Variants in BRD8 observed in about 807,000 individuals in gnomAD.
BRD8 encodes bromodomain containing 8.
A neutral mutation model predicts 143.1 loss-of-function variants in BRD8; 67 were observed. That is an observed-to-expected ratio of 0.47 (90% CI 0.38 to 0.57). The LOEUF (loss-of-function observed/expected upper bound fraction) is 0.57. BRD8 is among the 20% of genes least tolerant of loss of function. The pLI is 0.00. For missense variants in BRD8, 1,103 were observed against 1,503.0 expected (o/e 0.73, Z 4.40); for synonymous variants, 505 against 517.1 (o/e 0.98, Z 0.32).
intron 14 of BRD8, chr5:138,163,578 G>C: frequency 6.9e-7 from 1 of 1,446,050 alleles, no homozygotes; most frequent in Non-Finnish European, 9.1e-7. Flanking sequence ...AAAAAAAAAA[G>C]CTACTTACTT....
intron 11 of BRD8, among the ~76,000 whole-genome samples, chr5:138,165,562 T>C (rs572680001): frequency 6.6e-6 from 1 of 152,098 alleles, no homozygotes; most frequent in Non-Finnish European, 1.5e-5. Flanking sequence ...TCATCTCTAC[T>C]AAAAATACAA....
At chr5:138,158,188 G>T (rs531180871) in intron 20 of BRD8, among the ~76,000 whole-genome samples, 3 of 152,100 alleles carry the variant, frequency 2.0e-5, no homozygotes, top group Non-Finnish European at 4.4e-5. Flanking sequence ...GGCTGGACAA[G>T]TACCTCATTA....
intron 21 of BRD8, 58 bp from the exon 22 acceptor site, chr5:138,151,066 A>G: frequency 4.5e-6 from 7 of 1,563,136 alleles, no homozygotes; most frequent in South Asian, 2.4e-5. Context: ...CATCATCCAC[A>G]TATCAACAAT....
chr5:138,162,870 A>C (rs189846768), intron 15 of BRD8, among the ~76,000 whole-genome samples: 3 of 151,878 alleles, frequency 2.0e-5, no homozygotes, highest in African/African-American at 7.3e-5. Context: ...GTGTGGTGGC[A>C]CAGGCTGGTA....
rs1028822685 is a variant in BRD8 at position 138,170,775 on chromosome 5, G to A, written c.440+57C>T. On this transcript the variant is annotated intron_variant, in intron 6 of 26. Transcript: ENST00000254900. The stretch of plus-strand genomic sequence containing the variant: ...TTGGAGGAAATAAGCCAGATTACTT[G>A]AGGGGAAAAGAGGGTAAAAAGAAAG... The A allele has an allele frequency of 3.4e-6, 5 of 1,453,036 alleles. No individual in the cohort carries two copies. The East Asian group carries it at 9.1e-5, about 26-fold the overall frequency. The allele number at this position is 1,453,036 out of a possible 1,614,324, so 90.0% of individuals were successfully genotyped here.
At chr5:138,163,931 C>T (rs1316561012) in intron 14 of BRD8, among the ~76,000 whole-genome samples, 156 bp downstream of exon 14, 1 of 152,198 alleles carries the variant, frequency 6.6e-6, no homozygotes, top group African/African-American at 2.4e-5. Context: ...CTATAGTACT[C>T]CCATTATGCC....
At chr5:138,164,258 C>T (rs2151202045) in intron 13 of BRD8, 62 bp downstream of exon 13, 1 of 1,591,002 alleles carries the variant, frequency 6.3e-7, no homozygotes, top group South Asian at 1.1e-5. Context: ...TTGCCCACAA[C>T]CCACAACCCC....
Position 138,165,872 on chromosome 5 carries a change from C to G in BRD8, c.1234G>C (p.Asp412His). ...ATGATGTCTCCAACAGTCTCAAAAT[C>G]CAGCTCTTCACCTGTGTAAGACACA... ...IAVSYTGEEL[D>H]FETVGDIIAI... is the part of the protein sequence containing the mutation. The change falls in exon 11 of 27, where the codon GAT becomes CAT. Residue 412 changes from aspartate (D) to histidine (H), a missense_variant. Physicochemically the swap from Asp to His is moderately conservative, Grantham distance 81 (BLOSUM62 -1). Transcript: ENST00000254900. The G allele has an allele frequency of 1.2e-6, 2 of 1,614,204 alleles. No individual in the cohort carries two copies. The highest frequency in any genetic ancestry group is 1.7e-6 in the Non-Finnish European group (2 of 1,180,042).
chr5:138,152,399 A>T, intron 21 of BRD8, 83 bp downstream of exon 21: 5 of 1,531,766 alleles, frequency 3.3e-6, no homozygotes, highest in South Asian at 2.5e-5. Context: ...AACAATATTA[A>T]GAGTGGTAGA....
chr5:138,164,634 G>A, intron 12 of BRD8, 80 bp downstream of exon 12: 1 of 1,523,404 alleles, frequency 6.6e-7, no homozygotes, highest in Non-Finnish European at 8.9e-7. Flanking sequence ...AATGCAACTG[G>A]AAAACCAAAA....
intron 24 of BRD8, among the ~76,000 whole-genome samples, 155 bp from the exon 25 acceptor site, chr5:138,145,400 A>T (rs922667533): frequency 1.5e-4 from 23 of 152,026 alleles, no homozygotes; most frequent in Admixed American, 3.3e-4. Flanking sequence ...CCAGAGAGTT[A>T]AAAAAAACAC....
chr5:138,140,687 G>T lies in BRD8; in HGVS notation c.3615+18C>A, dbSNP rs774316705. On this transcript the variant is annotated intron_variant, in intron 26 of 26. Transcript: ENST00000254900. Reference sequence around the variant, plus strand: ...TGAAATCAAGATTCCAGAGGCTACAGGTATCTGCATACAGTACCTGAATCT... The same window carrying T: ...TGAAATCAAGATTCCAGAGGCTACATGTATCTGCATACAGTACCTGAATCT... 5.6e-6 allele frequency: 9 copies of T among 1,610,468 alleles called. No individual in the cohort carries two copies. Among genetic ancestry groups the T allele is most frequent in the African/African-American group, 4.0e-5 (3 of 74,832 alleles).
At chr5:138,177,279 C>T (rs546146754) in intron 2 of BRD8, 207 of 231,598 alleles carry the variant, frequency 8.9e-4, no homozygotes, top group African/African-American at 4.6e-3. Context: ...CCTGTAATCC[C>T]AGCACTCTGG....
At chr5:138,146,569 G>C (rs1047818344) in intron 23 of BRD8, among the ~76,000 whole-genome samples, 7 of 152,130 alleles carry the variant, frequency 4.6e-5, no homozygotes, top group African/African-American at 1.4e-4. Flanking sequence ...ACGTTGCCCA[G>C]GCTGGATATC....
chr5:138,165,176 A>G lies in BRD8; in HGVS notation c.1279-10T>C. On this transcript the variant is annotated splice_polypyrimidine_tract_variant and intron_variant, in intron 11 of 26. Coordinates refer to ENST00000254900, the MANE Select transcript of BRD8 (RefSeq NM_139199.2). ...CAGGATGATCATCTACCTGTCCCACAAAACACAAGACTATTGAGGTCACAG... is the reference window on the plus strand; with the variant it reads ...CAGGATGATCATCTACCTGTCCCACGAAACACAAGACTATTGAGGTCACAG... The G allele has an allele frequency of 1.2e-6, 2 of 1,612,378 alleles. No individual in the cohort carries two copies. The highest frequency in any genetic ancestry group is 1.7e-6 in the Non-Finnish European group (2 of 1,179,470).
intron 8 of BRD8, chr5:138,168,596 G>A: frequency 1.2e-6 from 2 of 1,606,942 alleles, no homozygotes; most frequent in South Asian, 1.1e-5. Context: ...CTGGGGTCAT[G>A]GGGGCTTCTA....
intron 20 of BRD8, chr5:138,157,601 T>G (rs1430028628): frequency 3.4e-6 from 1 of 290,110 alleles, no homozygotes; most frequent in Admixed American, 4.7e-5. Flanking sequence ...GGTAGGAGAG[T>G]CAGAATGGGC....
intron 25 of BRD8, among the ~76,000 whole-genome samples, chr5:138,144,108 A>G (rs1208808399): frequency 6.6e-6 from 1 of 152,164 alleles, no homozygotes; most frequent in African/African-American, 2.4e-5. Context: ...CAAGAGGAAT[A>G]AACAACTCCG....
intron 18 of BRD8, 60 bp downstream of exon 18, chr5:138,160,831 T>C: frequency 6.8e-7 from 1 of 1,464,164 alleles, no homozygotes; most frequent in Non-Finnish European, 9.1e-7. Context: ...TCAATATGAA[T>C]CCTCCCCTTG....
Sources: gnomAD v4.1 joint callset for allele counts (sites outside exome capture counted in the v4.1 genomes callset) on GRCh38, gnomAD v4.1.1 for gene constraint, MANE v1.5 for transcripts, NCBI Gene and HGNC (gene_info 2026-07-23, HGNC 2026-07-21) for gene names.